ANXA4: variants seen among roughly 807,000 people sequenced by gnomAD.
ANXA4 encodes 35-beta calcimedin.
Under a neutral mutation model 49.8 loss-of-function variants are expected in ANXA4, and 39 were observed. The ratio of observed to expected loss-of-function variants is 0.78; its 90% CI spans 0.61 to 1.02. The LOEUF is 1.02. ANXA4 is among the 50% of genes least tolerant of loss of function. The pLI is 0.00. For missense variants in ANXA4, 360 were observed against 410.1 expected (o/e 0.88, Z 1.05); for synonymous variants, 134 against 152.5 (o/e 0.88, Z 0.89).
intron 1 of ANXA4, among the ~76,000 whole-genome samples, chr2:69,647,722 AAT>A (rs1559035397): frequency 7.0e-6 from 1 of 142,632 alleles, no homozygotes; most frequent in Non-Finnish European, 1.6e-5. Context: ...TTTTAAAAAA[AAT>A]AATTATATAA....
intron 1 of ANXA4, among the ~76,000 whole-genome samples, chr2:69,749,463 T>C (rs1670749731): frequency 6.6e-6 from 1 of 152,030 alleles, no homozygotes; most frequent in African/African-American, 2.4e-5. Flanking sequence ...AGCAAAATAG[T>C]AGAAACAACC....
At chr2:69,714,866 G>C (rs900789248) in intron 2 of ANXA4, among the ~76,000 whole-genome samples, 3 of 152,184 alleles carry the variant, frequency 2.0e-5, no homozygotes, top group African/African-American at 7.2e-5. Context: ...GGTTAACCTT[G>C]TGTCTTGTGG....
intron 1 of ANXA4, among the ~76,000 whole-genome samples, chr2:69,777,062 T>C (rs1034387549): frequency 2.6e-5 from 4 of 152,110 alleles, no homozygotes; most frequent in African/African-American, 9.7e-5. Flanking sequence ...GATAAAGAGC[T>C]ACAGATCAGG....
At chr2:69,655,664 A>G (rs949843501) in intron 2 of ANXA4, among the ~76,000 whole-genome samples, 18 of 152,184 alleles carry the variant, frequency 1.2e-4, no homozygotes, top group Non-Finnish European at 2.6e-4. Flanking sequence ...TTGACCCAGC[A>G]ATCCCATTAC....
At chr2:69,820,609 G>A (rs1674192812) in intron 11 of ANXA4, 90 bp from the exon 12 acceptor site, 1 of 1,493,046 alleles carries the variant, frequency 6.7e-7, no homozygotes, top group Admixed American at 1.8e-5. Flanking sequence ...CGTCAGCACA[G>A]TCATCTCTAG....
chr2:69,765,205 G>A (rs1242899583), intron 1 of ANXA4, among the ~76,000 whole-genome samples: 4 of 152,134 alleles, frequency 2.6e-5, no homozygotes, highest in East Asian at 1.9e-4. Context: ...ACATTTCTTC[G>A]AGTTCCTGCT....
At chr2:69,781,355 A>T (rs777277793) in intron 1 of ANXA4, 165 bp from the exon 2 acceptor site, 1 of 615,070 alleles carries the variant, frequency 1.6e-6, no homozygotes, top group Non-Finnish European at 2.9e-6. Context: ...AGTTTCTCTA[A>T]TTAGCCCATT....
upstream of ANXA4, among the ~76,000 whole-genome samples, chr2:69,740,747 A>G (rs1670369633): frequency 7.8e-6 from 1 of 128,744 alleles, no homozygotes; most frequent in Non-Finnish European, 1.6e-5. Context: ...CAGTGGCGCA[A>G]TCTCAGCTTA....
chr2:69,691,089 C>G (rs927123971), intron 2 of ANXA4, among the ~76,000 whole-genome samples: 1 of 151,748 alleles, frequency 6.6e-6, no homozygotes, highest in African/African-American at 2.4e-5. Flanking sequence ...CTGGGAGAAC[C>G]GCCACTTGTA....
chr2:69,664,409 C>T (rs1676858517), intron 2 of ANXA4, among the ~76,000 whole-genome samples: 1 of 152,020 alleles, frequency 6.6e-6, no homozygotes, highest in African/African-American at 2.4e-5. Context: ...GGGTAATAAG[C>T]TAACACTATA....
chr2:69,722,982 C>T (rs894488682), intron 3 of ANXA4, among the ~76,000 whole-genome samples: 8 of 147,862 alleles, frequency 5.4e-5, no homozygotes, highest in African/African-American at 2.0e-4. Flanking sequence ...ACCATTCTGG[C>T]TAACATGATG....
At chr2:69,813,751 TC>T (rs1673809824) in intron 8 of ANXA4, among the ~76,000 whole-genome samples, 6 of 128,062 alleles carry the variant, frequency 4.7e-5, no homozygotes, top group African/African-American at 8.4e-5. Flanking sequence ...TCTCTCTCTC[TC>T]TCTCTCTTTT....
chr2:69,683,325 G>A (rs1677663502), intron 2 of ANXA4, among the ~76,000 whole-genome samples: 1 of 152,084 alleles, frequency 6.6e-6, no homozygotes, highest in Non-Finnish European at 1.5e-5. Flanking sequence ...CTGCATCTGG[G>A]ACTCTTTCCA....
intron 1 of ANXA4, among the ~76,000 whole-genome samples, chr2:69,652,338 T>A (rs902752305): frequency 6.6e-6 from 1 of 152,212 alleles, no homozygotes; most frequent in Non-Finnish European, 1.5e-5. Context: ...GTTTTCTTTT[T>A]ATATGCTGTA....
At chr2:69,803,543 T>A (rs994546982) in intron 3 of ANXA4, 1 of 152,216 alleles carries the variant, frequency 6.6e-6, no homozygotes, top group African/African-American at 2.4e-5. Context: ...CATTTTTAAT[T>A]TGTAATTTTT....
At chr2:69,800,591 A>T (rs1364914101) in intron 3 of ANXA4, among the ~76,000 whole-genome samples, 1 of 152,230 alleles carries the variant, frequency 6.6e-6, no homozygotes, top group East Asian at 1.9e-4. Context: ...AAGAGAAGAG[A>T]TCACATTTCA....
chr2:69,816,057 A>T, intron 8 of ANXA4, 44 bp from the exon 9 acceptor site: 2 of 1,492,214 alleles, frequency 1.3e-6, no homozygotes, highest in Non-Finnish European at 1.9e-6. Flanking sequence ...GTGTCCTGGC[A>T]CATCGTTTTT....
chr2:69,716,420 C>T (rs17038209), intron 2 of ANXA4, among the ~76,000 whole-genome samples: 8,763 of 152,118 alleles, frequency 0.058, 872 homozygotes, highest in African/African-American at 0.2. Flanking sequence ...AGAGGGTGAA[C>T]GTAACAGCAG....
chr2:69,728,256 G>A (rs1001713953), intron 3 of ANXA4, among the ~76,000 whole-genome samples: 3 of 151,988 alleles, frequency 2.0e-5, no homozygotes, highest in South Asian at 2.1e-4. Context: ...CTTTTACTTC[G>A]TTGCTTCTCT....
Sources: gnomAD v4.1 joint callset for allele counts (sites outside exome capture counted in the v4.1 genomes callset) on GRCh38, gnomAD v4.1.1 for gene constraint, MANE v1.5 for transcripts, NCBI Gene and HGNC (gene_info 2026-07-23, HGNC 2026-07-21) for gene names.